The following NOTCH1 variants were observed in gnomAD, a reference collection of about 807,000 sequenced individuals.
NOTCH1 encodes the protein neurogenic locus notch homolog protein 1.
NOTCH1 carries 37 observed loss-of-function variants against 254.8 expected under a neutral mutation model. The observed-to-expected ratio is 0.15, with a 90% CI of 0.11 to 0.19. The LOEUF (loss-of-function observed/expected upper bound fraction) is 0.19. Ranked by LOEUF, NOTCH1 falls within the 10% of genes least tolerant of loss-of-function variation. The pLI is 1.00. For synonymous variants in NOTCH1, 1,731 were observed against 1,618.1 expected (o/e 1.07, Z -1.68); for missense variants, 2,972 against 3,708.6 (o/e 0.80, Z 5.16).
At chr9:136,523,568 G>T (rs1589072392) in intron 3 of NOTCH1, 149 bp downstream of exon 3, 1 of 1,008,488 alleles carries the variant, frequency 9.9e-7, no homozygotes, top group South Asian at 1.6e-5. Flanking sequence ...TCCAGGTCTG[G>T]GAGGGGGGCA....
At chr9:136,518,399 G>T in intron 6 of NOTCH1, 107 bp from the exon 7 acceptor site, 2 of 1,452,540 alleles carry the variant, frequency 1.4e-6, no homozygotes, top group Non-Finnish European at 1.9e-6. Context: ...GCTGCCCGCC[G>T]TGACCCCGTC....
intron 4 of NOTCH1, among the ~76,000 whole-genome samples, chr9:136,521,056 G>A (rs796575365): frequency 8.5e-5 from 13 of 152,284 alleles, no homozygotes; most frequent in South Asian, 6.2e-4. Context: ...CCCCCATCTC[G>A]GTTCCCCGTG....
At chr9:136,502,122 C>T (rs374628959) in intron 28 of NOTCH1, 34 bp from the exon 29 acceptor site, 83 of 1,610,456 alleles carry the variant, frequency 5.2e-5, no homozygotes, top group Non-Finnish European at 6.6e-5. Context: ...TGAGGCTGAG[C>T]GAGCTCCCTA....
rs998850697 is a variant in NOTCH1 at position 136,495,281 on chromosome 9, G to A, written c.*790C>T. The A allele has an allele frequency of 3.0e-5, 12 of 398,898 alleles. No individual in the cohort carries two copies. Among genetic ancestry groups the A allele is most frequent in the African/African-American group, 2.5e-4 (12 of 48,640 alleles). 24.7% of individuals were successfully genotyped at this position (398,898 alleles called of 1,614,324 possible). A position where few individuals can be genotyped will look rare whatever the true frequency, so the allele number is the denominator to read the frequency against. ...TTTCAAGAACGGGCAGGGGGCCGGG[G>A]TGGTTCTGGAGGGACCAAGAACTTG... On this transcript the variant is annotated 3_prime_UTR_variant, in exon 34 of 34. Coordinates refer to ENST00000651671, the MANE Select transcript of NOTCH1 (RefSeq NM_017617.5).
chr9:136,518,928 T>TGGA, intron 5 of NOTCH1, 104 bp from the exon 6 acceptor site: 1 of 946,426 alleles, frequency 1.1e-6, no homozygotes, highest in Non-Finnish European at 1.7e-6. Flanking sequence ...GAAGCCTTCC[T>TGGA]GGGCTGACTC....
chr9:136,515,526 G>C lies in NOTCH1; in HGVS notation c.1860C>G (p.Asp620Glu), dbSNP rs748495449. ...QPCRHGGTCQ[D>E]RDNAYLCFCL... Reference sequence around the variant, plus strand: ...AGAAGCAGAGGTAGGCGTTGTCGCGGTCCTGGCAGGTGCCCCCGTGGCGGC... The same window carrying C: ...AGAAGCAGAGGTAGGCGTTGTCGCGCTCCTGGCAGGTGCCCCCGTGGCGGC... Residue 620 changes from aspartate (D) to glutamate (E), a missense_variant, in exon 11 of 34, where the codon GAC becomes GAG. This residue lies in a region of NOTCH1 where 1,343 missense variants were observed against 1,557.0 expected (regional missense o/e 0.86). Transcript: ENST00000651671. 1 of 1,611,928 alleles carries C rather than the reference G, an allele frequency of 6.2e-7. No individual in the cohort carries two copies.
chr9:136,505,530 C>G lies in NOTCH1; in HGVS notation c.4366G>C (p.Glu1456Gln), dbSNP rs2133339537. 6.2e-7 allele frequency: 1 copy of G among 1,612,434 alleles called. No individual in the cohort carries two copies. Among genetic ancestry groups the G allele is most frequent in the South Asian group, 1.1e-5 (1 of 91,070 alleles). The change falls in exon 25 of 34, where the codon GAG becomes CAG. Residue 1456 changes from glutamate (E) to glutamine (Q), a missense_variant. Physicochemically the swap from Glu to Gln is conservative, Grantham distance 29. Coordinates refer to ENST00000651671, the MANE Select transcript of NOTCH1 (RefSeq NM_017617.5). ...EEACELPECQ[E>Q]DAGNKVCSLQ... ...CTGCAGACCTTGTTGCCCGCGTCCT[C>G]CTGGCACTCGGGCAGCTCGCACGCC...
At chr9:136,535,833 AG>A (rs869045997) in intron 2 of NOTCH1, among the ~76,000 whole-genome samples, 2 of 43,492 alleles carry the variant, frequency 4.6e-5, no homozygotes, top group Non-Finnish European at 8.3e-5. Flanking sequence ...GGGTGGGTGG[AG>A]GGGGGATCAC....
At position 136,522,918 on chromosome 9, in the gene NOTCH1, G is replaced by C. The variant is rs553542677; in HGVS notation, c.674C>G (p.Ser225Trp). Reference protein sequence around the residue: ...CERPYVPCSPSPCQNGGTCRP... With the variant: ...CERPYVPCSPWPCQNGGTCRP... ...GCAGGTGCCCCCGTTCTGGCAGGGC[G>C]AGGGGCTGCAGGGCACGTAGGGCCG... The change falls in exon 4 of 34, where the codon TCG becomes TGG. Residue 225 changes from serine (S) to tryptophan (W), a missense_variant. This residue lies in a region of NOTCH1 where 374 missense variants were observed against 496.3 expected (regional missense o/e 0.75). Transcript: ENST00000651671. 12 of 1,547,054 alleles carry C rather than the reference G, an allele frequency of 7.8e-6. No homozygotes were observed. The African/African-American group carries it at 1.6e-4, about 21-fold the overall frequency.
Position 136,497,208 on chromosome 9 carries a change from C to T in NOTCH1, c.6531G>A (p.Lys2177=), listed in dbSNP as rs768351752. 3.1e-6 allele frequency: 5 copies of T among 1,612,790 alleles called. No individual in the cohort carries two copies. In the South Asian group the frequency reaches 3.3e-5, roughly 11 times the overall value. ...CGTCCTGGGACTTCTTCCTCCGTGCCTTGAGGTCCTTGGCCTCCTTGCTTC... is the reference window on the plus strand; with the variant it reads ...CGTCCTGGGACTTCTTCCTCCGTGCTTTGAGGTCCTTGGCCTCCTTGCTTC... ...ACGSKEAKDL[K]ARRKKSQDGK... The change falls in exon 34 of 34, where the codon AAG becomes AAA. Residue 2177 remains lysine, a synonymous_variant. Coordinates refer to ENST00000651671, the MANE Select transcript of NOTCH1 (RefSeq NM_017617.5).
rs932881887 is a variant in NOTCH1 at position 136,494,786 on chromosome 9, T to G, written c.*1285A>C. ...ACAACAGACTCATTCATTAAGATTTTTTAAACAAAATCCACCTTTAAAAAC... is the reference window on the plus strand; with the variant it reads ...ACAACAGACTCATTCATTAAGATTTGTTAAACAAAATCCACCTTTAAAAAC... On this transcript the variant is annotated 3_prime_UTR_variant, in exon 34 of 34. Coordinates refer to ENST00000651671, the MANE Select transcript of NOTCH1 (RefSeq NM_017617.5). The G allele has an allele frequency of 7.5e-6, 3 of 398,622 alleles. No individual in the cohort carries two copies. The highest frequency in any genetic ancestry group is 6.2e-5 in the African/African-American group (3 of 48,642). The allele number at this position is 398,622 out of a possible 1,614,324, so 24.7% of individuals were successfully genotyped here. A position where few individuals can be genotyped will look rare whatever the true frequency, so the allele number is the denominator to read the frequency against.
intron 15 of NOTCH1, 93 bp downstream of exon 15, chr9:136,512,928 C>CCA: frequency 1.5e-5 from 6 of 398,618 alleles, no homozygotes; most frequent in South Asian, 2.4e-5. Context: ...TGGCCCCACC[C>CCA]TCTCCAGCAC....
chr9:136,511,658 C>T (rs1274642817), intron 15 of NOTCH1, among the ~76,000 whole-genome samples: 2 of 152,226 alleles, frequency 1.3e-5, no homozygotes, highest in East Asian at 3.9e-4. Flanking sequence ...ACGCAAGCCC[C>T]CTCATCTCTG....
At chr9:136,528,064 C>T (rs1403140615) in intron 2 of NOTCH1, among the ~76,000 whole-genome samples, 2 of 151,968 alleles carry the variant, frequency 1.3e-5, no homozygotes, top group Admixed American at 6.6e-5. Context: ...CTAAGCTAAG[C>T]GGCCATCTGC....
In NOTCH1 at chr9:136,495,784, T is replaced by C. The variant is rs1254244122; in HGVS notation, c.*287A>G. On this transcript the variant is annotated 3_prime_UTR_variant, in exon 34 of 34. Coordinates refer to ENST00000651671, the MANE Select transcript of NOTCH1 (RefSeq NM_017617.5). ...TTATAAACACAGAAGAATCTTTTCA[T>C]CCTACGTAGGAAAACCCTGGCTCTC... is the stretch of plus-strand genomic sequence containing the variant. The C allele has an allele frequency of 7.1e-6, 3 of 421,702 alleles. No homozygotes were observed. The highest frequency in any genetic ancestry group is 4.1e-5 in the African/African-American group (2 of 48,970). 26.1% of individuals were successfully genotyped at this position (421,702 alleles called of 1,614,324 possible). A position where few individuals can be genotyped will look rare whatever the true frequency, so the allele number is the denominator to read the frequency against.
At chr9:136,522,411 C>T (rs549155953) in intron 4 of NOTCH1, among the ~76,000 whole-genome samples, 16 of 152,330 alleles carry the variant, frequency 1.1e-4, no homozygotes, top group Admixed American at 3.3e-4. Flanking sequence ...CAGGCGGCTG[C>T]GCCTACCTGT....
chr9:136,505,148 C>A (rs563329314), intron 25 of NOTCH1, 44 bp from the exon 26 acceptor site: 1 of 1,576,336 alleles, frequency 6.3e-7, no homozygotes. Flanking sequence ...CTCGGGGGGC[C>A]TCGCACCCGC....
At chr9:136,507,522 G>A (rs1843108190) in intron 21 of NOTCH1, 85 bp from the exon 22 acceptor site, 2 of 1,531,098 alleles carry the variant, frequency 1.3e-6, no homozygotes, top group African/African-American at 1.4e-5. Context: ...AGGGCTGACA[G>A]GGCCACATGA....
At chr9:136,528,912 G>A (rs1301961142) in intron 2 of NOTCH1, among the ~76,000 whole-genome samples, 1 of 152,136 alleles carries the variant, frequency 6.6e-6, no homozygotes, top group Non-Finnish European at 1.5e-5. Flanking sequence ...GGAGCCAATC[G>A]CTAGGCGGCC....
Sources: allele counts gnomAD v4.1 joint callset (sites outside exome capture counted in the v4.1 genomes callset), GRCh38; gene constraint gnomAD v4.1.1; regional missense constraint gnomAD v4.1.1; transcripts MANE v1.5; gene names NCBI Gene and HGNC (gene_info 2026-07-23, HGNC 2026-07-21).